Variants in ROBO2 observed in about 807,000 individuals in gnomAD.
The protein encoded by ROBO2 is roundabout homolog 2.
ROBO2 carries 53 observed loss-of-function variants against 160.8 expected under a neutral mutation model. The observed-to-expected ratio is 0.33, with a 90% CI of 0.26 to 0.41. The LOEUF (loss-of-function observed/expected upper bound fraction) is 0.41. Among genes scored for constraint, ROBO2 ranks in the 10% least tolerant of loss-of-function variants. The probability of loss-of-function intolerance (pLI) is 1.00; values close to 1 mark genes in which losing one functional copy is unlikely to be tolerated. For synonymous variants in ROBO2, 664 were observed against 611.7 expected, an observed-to-expected ratio of 1.09 and a Z score of -1.26; for missense variants, 1,577 against 1,722.4, an observed-to-expected ratio of 0.92 and a Z score of 1.49.
chr3:77,557,625 C>T lies in ROBO2; in HGVS notation c.1232-319C>T, dbSNP rs139911781. Among the ~76,000 whole-genome samples the T allele has an allele frequency of 9.2e-3, 934 of 101,852 alleles. 7 individuals are homozygous for T. The highest frequency in any genetic ancestry group is 0.033 in the African/African-American group (881 of 27,016). The allele number at this position is 101,852 out of a possible 152,430, so 66.8% of individuals were successfully genotyped here. ...AGCTATTCAAATTTTAATTTTAATACGACTAAGCCTTTTTATACAATTAAG... is the reference window on the plus strand; with the variant it reads ...AGCTATTCAAATTTTAATTTTAATATGACTAAGCCTTTTTATACAATTAAG... On this transcript the variant is annotated intron_variant, in intron 8 of 25. Coordinates refer to ENST00000461745, the Ensembl canonical transcript of ROBO2.
intron 2 of ROBO2, among the ~76,000 whole-genome samples, chr3:76,804,970 C>T (rs1158017166): frequency 1.3e-5 from 2 of 152,072 alleles, no homozygotes; most frequent in Admixed American, 6.6e-5. Flanking sequence ...CCATTAAAAT[C>T]AATGATGTTA....
intron 2 of ROBO2, among the ~76,000 whole-genome samples, chr3:77,162,663 G>T (rs1027982238): frequency 6.6e-6 from 1 of 152,116 alleles, no homozygotes; most frequent in East Asian, 1.9e-4. Flanking sequence ...CCTCTTTTAT[G>T]AATCAAATAA....
intron 24 of ROBO2, among the ~76,000 whole-genome samples, chr3:77,643,188 G>A (rs893925337): frequency 1.3e-5 from 2 of 152,200 alleles, no homozygotes; most frequent in Admixed American, 1.3e-4. Flanking sequence ...TCATCTAAAC[G>A]GCTCAGTAGA....
chr3:77,554,653 G>A (rs1417600148), intron 8 of ROBO2, among the ~76,000 whole-genome samples: 2 of 151,908 alleles, frequency 1.3e-5, no homozygotes, highest in African/African-American at 4.8e-5. Flanking sequence ...TGCACATGTG[G>A]TACAAATAGC....
chr3:77,529,972 A>T (rs1043792175), intron 6 of ROBO2, among the ~76,000 whole-genome samples: 17 of 151,970 alleles, frequency 1.1e-4, no homozygotes, highest in Admixed American at 1.3e-4. Context: ...ATTCAAGAAC[A>T]TAGATATCTG....
At chr3:76,411,743 G>A (rs2075496634) in intron 2 of ROBO2, among the ~76,000 whole-genome samples, 1 of 152,108 alleles carries the variant, frequency 6.6e-6, no homozygotes, top group Admixed American at 6.6e-5. Flanking sequence ...TGTGAAAGTA[G>A]CATAAGCCTA....
Position 76,445,910 on chromosome 3 carries a change from A to T in ROBO2, c.109+508308A>T, listed in dbSNP as rs535328603. Among the ~76,000 whole-genome samples, 8 of 152,316 alleles carry T rather than the reference A, an allele frequency of 5.3e-5. No individual in the cohort carries two copies. The East Asian group carries it at 1.5e-3, about 29-fold the overall frequency. ...TATCTCAAAATAATAAGAGCTATTT[A>T]TGACAAACCCACAGCCAATATCATA... On this transcript the variant is annotated intron_variant, in intron 2 of 26. Coordinates refer to the ROBO2 transcript ENST00000487694.
At chr3:76,399,096 A>G (rs1267354188) in intron 2 of ROBO2, among the ~76,000 whole-genome samples, 1 of 151,848 alleles carries the variant, frequency 6.6e-6, no homozygotes, top group Non-Finnish European at 1.5e-5. Context: ...CGCAAGCATA[A>G]TATAATTTTA....
chr3:77,536,725 T>A (rs2092131733), intron 6 of ROBO2, among the ~76,000 whole-genome samples: 1 of 152,200 alleles, frequency 6.6e-6, no homozygotes. Context: ...TTGGATAGTA[T>A]TATGAATTGA....
intron 2 of ROBO2, among the ~76,000 whole-genome samples, chr3:77,217,727 T>A (rs1190418947): frequency 6.6e-6 from 1 of 152,196 alleles, no homozygotes; most frequent in Non-Finnish European, 1.5e-5. Flanking sequence ...ATATAAAAAT[T>A]GTAGGAGGCA....
chr3:76,608,680 G>GT (rs1054479875), intron 2 of ROBO2, among the ~76,000 whole-genome samples: 7 of 152,028 alleles, frequency 4.6e-5, no homozygotes, highest in South Asian at 2.1e-4. Flanking sequence ...TTCCCAATGT[G>GT]TTTTTTTAGA....
At chr3:77,303,791 TTATATACATA>T (rs1252056754) in intron 2 of ROBO2, among the ~76,000 whole-genome samples, 9 of 152,122 alleles carry the variant, frequency 5.9e-5, no homozygotes, top group African/African-American at 7.2e-5. Flanking sequence ...ATGAAATATT[TTATATACATA>T]TATATACATA....
intron 2 of ROBO2, among the ~76,000 whole-genome samples, chr3:77,291,076 G>T: frequency 1.9e-5 from 2 of 104,798 alleles, no homozygotes; most frequent in East Asian, 3.3e-4. Flanking sequence ...CACCCCAGAC[G>T]TAAAGTAAAA....
At chr3:77,506,005 C>G (rs2088464936) in intron 5 of ROBO2, among the ~76,000 whole-genome samples, 1 of 152,084 alleles carries the variant, frequency 6.6e-6, no homozygotes, top group Admixed American at 6.6e-5. Context: ...AAGTTTGAGT[C>G]CCTTCTTTAA....
At chr3:76,357,894 A>T in intron 2 of ROBO2, among the ~76,000 whole-genome samples, 1 of 136,088 alleles carries the variant, frequency 7.3e-6, no homozygotes, top group Non-Finnish European at 1.5e-5. Context: ...AAACTTTAAA[A>T]TATATATATA....
At chr3:76,226,166 A>AT (rs1251488454) in intron 2 of ROBO2, among the ~76,000 whole-genome samples, 3 of 152,206 alleles carry the variant, frequency 2.0e-5, no homozygotes, top group Admixed American at 1.3e-4. Flanking sequence ...AAGAACACTA[A>AT]TTTTTTCTCC....
At chr3:77,614,565 TTAGG>T (rs1170899513) in intron 21 of ROBO2, among the ~76,000 whole-genome samples, 1 of 152,054 alleles carries the variant, frequency 6.6e-6, no homozygotes, top group African/African-American at 2.4e-5. Context: ...TGCAACTCAC[TTAGG>T]TAGCCTCAGC....
chr3:76,055,101 A>G (rs1664142615), intron 2 of ROBO2, among the ~76,000 whole-genome samples: 1 of 152,302 alleles, frequency 6.6e-6, no homozygotes, highest in South Asian at 2.1e-4. Context: ...GCAAAGTCAC[A>G]TCTTACATGG....
At chr3:77,040,120 C>T (rs2063945644) in exon 1 of ROBO2, 1 of 984,692 alleles carries the variant, frequency 1.0e-6, no homozygotes, top group Non-Finnish European at 1.2e-6. Flanking sequence ...GGATTCTCCA[C>T]CCGAATCGTC....
Sources: allele counts gnomAD v4.1 joint callset (sites outside exome capture counted in the v4.1 genomes callset), GRCh38; gene constraint gnomAD v4.1.1; transcripts MANE v1.5; gene names NCBI Gene and HGNC (gene_info 2026-07-23, HGNC 2026-07-21).